Variants in RSU1 observed in about 807,000 individuals in gnomAD.
RSU1 encodes rsu-1.
Under a neutral mutation model 31.1 loss-of-function variants are expected in RSU1, and 26 were observed. That is an observed-to-expected ratio of 0.84 (90% CI 0.61 to 1.16). The LOEUF is 1.16. Ranked by LOEUF, RSU1 falls within the 50% of genes most tolerant of loss-of-function variation. The pLI is 0.00. For missense variants in RSU1, 320 were observed against 339.1 expected (o/e 0.94, Z 0.44); for synonymous variants, 164 against 136.3 (o/e 1.20, Z -1.41).
intron 2 of RSU1, among the ~76,000 whole-genome samples, chr10:16,789,932 C>T (rs1342713422): frequency 6.6e-6 from 1 of 152,210 alleles, no homozygotes; most frequent in South Asian, 2.1e-4. Context: ...TTAAATACTA[C>T]AGTGCCTTGG....
At chr10:16,757,386 C>A (rs1201781799) in intron 4 of RSU1, among the ~76,000 whole-genome samples, 1 of 152,144 alleles carries the variant, frequency 6.6e-6, no homozygotes, top group African/African-American at 2.4e-5. Flanking sequence ...CCAGAAACAG[C>A]TGACAGCAGA....
chr10:16,666,641 C>T (rs1834994398), intron 8 of RSU1, among the ~76,000 whole-genome samples: 1 of 151,870 alleles, frequency 6.6e-6, no homozygotes, highest in Non-Finnish European at 1.5e-5. Context: ...ACCTAACTGC[C>T]CCTGGGAAAT....
intron 5 of RSU1, among the ~76,000 whole-genome samples, chr10:16,754,321 AT>A (rs1200440889): frequency 1.3e-5 from 2 of 152,188 alleles, no homozygotes; most frequent in Non-Finnish European, 2.9e-5. Context: ...TTGTTTGCAT[AT>A]GAAAGAATAA....
At chr10:16,742,238 G>C (rs1326941317) in intron 7 of RSU1, among the ~76,000 whole-genome samples, 1 of 152,162 alleles carries the variant, frequency 6.6e-6, no homozygotes, top group Non-Finnish European at 1.5e-5. Context: ...TGTGTAATGG[G>C]TAGTCAACTT....
At chr10:16,654,288 C>T (rs1834733941) in intron 8 of RSU1, among the ~76,000 whole-genome samples, 2 of 149,168 alleles carry the variant, frequency 1.3e-5, no homozygotes, top group African/African-American at 5.0e-5. Flanking sequence ...CAAGTGTGTG[C>T]CACCGCTCAT....
At chr10:16,746,437 T>C (rs12781734) in intron 7 of RSU1, among the ~76,000 whole-genome samples, 17,609 of 152,050 alleles carry the variant, frequency 0.12, 1,308 homozygotes, top group Admixed American at 0.18. Context: ...GGGTAACAAA[T>C]GCGGGACAAG....
chr10:16,720,940 C>A (rs114849797), intron 7 of RSU1, among the ~76,000 whole-genome samples: 52 of 152,176 alleles, frequency 3.4e-4, no homozygotes, highest in African/African-American at 1.2e-3. Flanking sequence ...TGAGCTGAGA[C>A]TGCACCACTG....
chr10:16,758,396 C>T (rs1490509201), intron 4 of RSU1, among the ~76,000 whole-genome samples: 1 of 152,166 alleles, frequency 6.6e-6, no homozygotes, highest in Non-Finnish European at 1.5e-5. Flanking sequence ...CACATTTTGA[C>T]ACATAGGAAT....
intron 8 of RSU1, among the ~76,000 whole-genome samples, chr10:16,626,438 T>C (rs530282984): frequency 1.4e-4 from 21 of 152,250 alleles, no homozygotes; most frequent in Admixed American, 1.3e-4. Flanking sequence ...AGTGCTGGGA[T>C]TATGGGAATG....
At position 16,766,601 on chromosome 10, in the gene RSU1, G is replaced by A. The variant is rs367805803; in HGVS notation, c.161-2091C>T. Among the ~76,000 whole-genome samples, 29 of 152,282 alleles carry A rather than the reference G, an allele frequency of 1.9e-4. No individual in the cohort carries two copies. In the East Asian group the frequency reaches 3.9e-3, roughly 20 times the overall value. Reference sequence around the variant, plus strand: ...ATGGTGGCAGACGCCTGTAATCCCAGCTACTCGGGAAGCTGAGGCAGGAGA... The same window carrying A: ...ATGGTGGCAGACGCCTGTAATCCCAACTACTCGGGAAGCTGAGGCAGGAGA... On this transcript the variant is annotated intron_variant, in intron 3 of 8. Transcript: ENST00000345264.
At chr10:16,741,738 A>T (rs1836757510) in intron 7 of RSU1, among the ~76,000 whole-genome samples, 1 of 152,206 alleles carries the variant, frequency 6.6e-6, no homozygotes, top group Admixed American at 6.5e-5. Context: ...GATCACCTTG[A>T]CTACGGGGTG....
chr10:16,770,983 A>G (rs192904229), intron 3 of RSU1, among the ~76,000 whole-genome samples: 52 of 149,682 alleles, frequency 3.5e-4, no homozygotes, highest in Admixed American at 1.7e-3. Flanking sequence ...AAAAAAAAGG[A>G]AGTTTTTGTC....
intron 4 of RSU1, among the ~76,000 whole-genome samples, chr10:16,762,781 G>A (rs11819494): frequency 0.073 from 11,170 of 152,054 alleles, 542 homozygotes; most frequent in East Asian, 0.18. Context: ...TTTGGGAGGC[G>A]GAGGCAGACG....
chr10:16,652,268 G>C (rs902456504), intron 8 of RSU1, among the ~76,000 whole-genome samples: 7 of 151,042 alleles, frequency 4.6e-5, no homozygotes, highest in African/African-American at 1.5e-4. Context: ...CATAGAAAAA[G>C]AAAGCAAACT....
In RSU1 at chr10:16,710,143, G is replaced by C. The variant is rs193131326; in HGVS notation, c.599-14988C>G. 1.3e-3 allele frequency among the ~76,000 whole-genome samples: 196 copies of C among 152,128 alleles called. 1 individual carries two copies. The highest frequency in any genetic ancestry group is 4.2e-3 in the African/African-American group (173 of 41,500). ...CCTCATTCAGTATGATGTCAGCTGT[G>C]GGTTTTTCATACATGACATTTACTG... On this transcript the variant is annotated intron_variant, in intron 7 of 8. Coordinates refer to ENST00000345264, the MANE Select transcript of RSU1 (RefSeq NM_012425.4).
intron 4 of RSU1, among the ~76,000 whole-genome samples, chr10:16,761,357 AG>A (rs1837208789): frequency 6.6e-6 from 1 of 152,228 alleles, no homozygotes; most frequent in Non-Finnish European, 1.5e-5. Flanking sequence ...AAGCTCCATC[AG>A]GGCTGGATGG....
chr10:16,811,827 G>C (rs538286370), intron 2 of RSU1, among the ~76,000 whole-genome samples: 2 of 152,272 alleles, frequency 1.3e-5, no homozygotes, highest in African/African-American at 4.8e-5. Context: ...TAGCCAACCT[G>C]AATCTCTTAA....
chr10:16,661,237 G>A (rs1163434483), intron 8 of RSU1, among the ~76,000 whole-genome samples: 3 of 150,114 alleles, frequency 2.0e-5, no homozygotes, highest in African/African-American at 7.3e-5. Context: ...TCCCTGTTTG[G>A]TAATTTTTCA....
chr10:16,629,974 A>C (rs895801794), intron 8 of RSU1, among the ~76,000 whole-genome samples: 3 of 152,172 alleles, frequency 2.0e-5, no homozygotes, highest in African/African-American at 7.2e-5. Flanking sequence ...AAATTACTTA[A>C]CTCTCTTTGA....
Sources: gnomAD v4.1 joint callset for allele counts (sites outside exome capture counted in the v4.1 genomes callset) on GRCh38, gnomAD v4.1.1 for gene constraint, MANE v1.5 for transcripts, NCBI Gene and HGNC (gene_info 2026-07-23, HGNC 2026-07-21) for gene names.